The following SCFD2 variants were observed in gnomAD, a reference collection of about 807,000 sequenced individuals.
SCFD2 encodes the protein sec1 family domain-containing protein 2.
In SCFD2, 54 loss-of-function variants were observed where a neutral mutation model predicts 58.9. That is an observed-to-expected ratio of 0.92 (90% CI 0.74 to 1.15). The LOEUF (loss-of-function observed/expected upper bound fraction) is 1.15. Ranked by LOEUF, SCFD2 falls within the 50% of genes most tolerant of loss-of-function variation. SCFD2 has a pLI of 0.00. For missense variants in SCFD2, 805 were observed against 836.6 expected, an observed-to-expected ratio of 0.96 and a Z score of 0.47; for synonymous variants, 321 against 335.9, an observed-to-expected ratio of 0.96 and a Z score of 0.49.
chr4:52,920,741 C>T lies in SCFD2; in HGVS notation c.1691G>A (p.Gly564Glu). 1 of 1,603,764 alleles carries T rather than the reference C, an allele frequency of 6.2e-7. No individual in the cohort carries two copies. Reference protein sequence around the residue: ...LKQFKSVYVPGNHTHQASYKP... With the variant: ...LKQFKSVYVPENHTHQASYKP... ...TATACTTGCCTGGTGGGTATGATTT[C>T]CAGGAACATATACAGACTTAAACTG... is the stretch of plus-strand genomic sequence containing the variant. The change falls in exon 6 of 9, where the codon GGA (glycine) becomes GAA (glutamate). Residue 564 changes from glycine (G) to glutamate (E), a missense_variant. Gly to Glu is a moderately conservative substitution (Grantham distance 98). Around this residue, in one of 3 missense-constraint regions of SCFD2, gnomAD observed 633 missense variants for 646.8 expected, o/e 0.98. Coordinates refer to ENST00000401642, the MANE Select transcript of SCFD2 (RefSeq NM_152540.4).
In SCFD2 at chr4:53,224,928, C is replaced by T. The variant is rs538465901; in HGVS notation, c.1311+48898G>A. On this transcript the variant is annotated intron_variant, in intron 4 of 8. Transcript: ENST00000401642. ...TAGTTTTGTTTTTCATGAGAATAAACTCTCTTCTATTAACATTACATGAAT... is the reference window on the plus strand; with the variant it reads ...TAGTTTTGTTTTTCATGAGAATAAATTCTCTTCTATTAACATTACATGAAT... Among the ~76,000 whole-genome samples, 209 of 152,108 alleles carry T rather than the reference C, an allele frequency of 1.4e-3. 1 individual carries two copies. Among genetic ancestry groups the T allele is most frequent in the Non-Finnish European group, 2.4e-3 (161 of 67,986 alleles).
In SCFD2 at chr4:53,365,714, C is replaced by A. The variant is rs373384471; in HGVS notation, c.228G>T (p.Val76=). 4 of 1,614,070 alleles carry A rather than the reference C, an allele frequency of 2.5e-6. No homozygotes were observed. Among genetic ancestry groups the A allele is most frequent in the Non-Finnish European group, 3.4e-6 (4 of 1,180,040 alleles). Residue 76 remains valine (V), a synonymous_variant, in exon 1 of 9, where the codon GTG becomes GTT. Coordinates refer to ENST00000401642, the MANE Select transcript of SCFD2 (RefSeq NM_152540.4). This position sits in a 1 kb window ranked among gnomAD's most constrained non-coding sequence, Gnocchi z 4.3. The part of the protein sequence containing the change: ...GGAKQPKAVF[V]LSCLLKGRTV... ...TCCGGCCTTTCAGCAGGCAGCTCAG[C>A]ACAAACACTGCCTTGGGCTGCTTGG...
At chr4:53,271,826 T>C (rs1487685439) in intron 4 of SCFD2, among the ~76,000 whole-genome samples, 3 of 152,008 alleles carry the variant, frequency 2.0e-5, no homozygotes, top group Admixed American at 6.6e-5. Context: ...CCAAAAGCAA[T>C]GGCAACAAAA....
At chr4:53,293,069 A>G (rs950104524) in intron 3 of SCFD2, among the ~76,000 whole-genome samples, 2 of 152,100 alleles carry the variant, frequency 1.3e-5, no homozygotes, top group Non-Finnish European at 2.9e-5. Flanking sequence ...TAAATTTATC[A>G]ATCCAAAAAA....
intron 4 of SCFD2, among the ~76,000 whole-genome samples, chr4:53,226,703 T>A (rs1328654090): frequency 6.6e-6 from 1 of 152,120 alleles, no homozygotes; most frequent in Non-Finnish European, 1.5e-5. Context: ...AATTGAATTA[T>A]TTAAATTAGG....
At chr4:53,285,858 A>T (rs900110) in intron 3 of SCFD2, among the ~76,000 whole-genome samples, 89,071 of 151,842 alleles carry the variant, frequency 0.59, 26,326 homozygotes, top group Middle Eastern at 0.66. Context: ...ACAGGTCATG[A>T]GCCCAGTTAG....
At chr4:52,973,922 T>C (rs945931238) in intron 5 of SCFD2, among the ~76,000 whole-genome samples, 1 of 152,182 alleles carries the variant, frequency 6.6e-6, no homozygotes, top group Admixed American at 6.5e-5. Flanking sequence ...AAAAACCATA[T>C]GGTTATCTCA....
chr4:53,047,398 T>G (rs1393464356), intron 5 of SCFD2, among the ~76,000 whole-genome samples: 1 of 152,134 alleles, frequency 6.6e-6, no homozygotes, highest in Non-Finnish European at 1.5e-5. Flanking sequence ...CAGTGAGCCA[T>G]GATCACACCA....
intron 7 of SCFD2, among the ~76,000 whole-genome samples, chr4:52,887,224 C>T (rs1291193291): frequency 6.6e-6 from 1 of 152,178 alleles, no homozygotes; most frequent in Non-Finnish European, 1.5e-5. Context: ...CCTCAAGGTG[C>T]TTACAGTACA....
At chr4:53,345,535 G>A (rs1467137136) in intron 2 of SCFD2, among the ~76,000 whole-genome samples, 2 of 152,186 alleles carry the variant, frequency 1.3e-5, no homozygotes, top group Non-Finnish European at 2.9e-5. Flanking sequence ...GGAAGACAGT[G>A]TGGAGATTCC....
At chr4:53,302,386 A>C (rs1277307780) in intron 3 of SCFD2, among the ~76,000 whole-genome samples, 1 of 152,190 alleles carries the variant, frequency 6.6e-6, no homozygotes, top group Non-Finnish European at 1.5e-5. Context: ...TAGGAATCCA[A>C]CTTACAAGGA....
At chr4:52,875,833 T>TGG (rs1718458995) in intron 8 of SCFD2, among the ~76,000 whole-genome samples, 1 of 71,296 alleles carries the variant, frequency 1.4e-5, no homozygotes, top group African/African-American at 4.8e-5. Context: ...TATATATATA[T>TGG]ATATATATAT....
In SCFD2 at chr4:53,338,575, C is replaced by CTT. The variant is rs56263068; in HGVS notation, c.1007+14021_1007+14022dup. ...GGCCAAAAGAAAGCAGTATATTTTTCTTTTTTTTTTTTTTTTTTTTTGTGA... is the reference window on the plus strand; with the variant it reads ...GGCCAAAAGAAAGCAGTATATTTTTCTTTTTTTTTTTTTTTTTTTTTTTGTGA... On this transcript the variant is annotated intron_variant, in intron 2 of 8. Transcript: ENST00000401642. 1.5e-4 allele frequency among the ~76,000 whole-genome samples: 11 copies of CTT among 72,312 alleles called. 1 individual carries two copies. Among genetic ancestry groups the CTT allele is most frequent in the African/African-American group, 4.6e-4 (9 of 19,644 alleles). 47.4% of individuals were successfully genotyped at this position (72,312 alleles called of 152,430 possible). A position where few individuals can be genotyped will look rare whatever the true frequency, so the allele number is the denominator to read the frequency against.
At chr4:53,255,962 T>TG (rs1164179888) in intron 4 of SCFD2, among the ~76,000 whole-genome samples, 1 of 120,912 alleles carries the variant, frequency 8.3e-6, no homozygotes, top group Admixed American at 8.3e-5. Context: ...GCTGGCCGGG[T>TG]GGGGGGCTGA....
chr4:52,908,038 G>A (rs1485282200), intron 6 of SCFD2, among the ~76,000 whole-genome samples: 1 of 152,126 alleles, frequency 6.6e-6, no homozygotes, highest in Non-Finnish European at 1.5e-5. Context: ...ACAATGTGCT[G>A]TCAATAACCA....
intron 7 of SCFD2, among the ~76,000 whole-genome samples, chr4:52,904,957 G>A (rs1392524811): frequency 6.6e-6 from 1 of 152,198 alleles, no homozygotes; most frequent in Admixed American, 6.5e-5. Context: ...GGTAAACAGG[G>A]ATAATGATAG....
At chr4:52,996,319 G>A (rs77359243) in intron 5 of SCFD2, among the ~76,000 whole-genome samples, 6,288 of 152,316 alleles carry the variant, frequency 0.041, 181 homozygotes, top group Non-Finnish European at 0.065. Context: ...GACGATAACA[G>A]AGCAATGATA....
chr4:53,275,632 A>G (rs1441837659), intron 3 of SCFD2, among the ~76,000 whole-genome samples: 1 of 152,220 alleles, frequency 6.6e-6, no homozygotes, highest in African/African-American at 2.4e-5. Flanking sequence ...GAACATTCCC[A>G]TCATTCCAAA....
At chr4:53,062,198 C>T (rs1723533715) in intron 5 of SCFD2, among the ~76,000 whole-genome samples, 1 of 151,570 alleles carries the variant, frequency 6.6e-6, no homozygotes, top group Admixed American at 6.6e-5. Context: ...AGGGCAAAAC[C>T]CCGTCTCTAC....
Sources: gnomAD v4.1 joint callset for allele counts (sites outside exome capture counted in the v4.1 genomes callset) on GRCh38, gnomAD v4.1.1 for gene constraint, gnomAD v4.1.1 regional missense constraint, Gnocchi (gnomAD v3.1) non-coding constraint, MANE v1.5 for transcripts, NCBI Gene and HGNC (gene_info 2026-07-23, HGNC 2026-07-21) for gene names.